ENOX2: variants seen among roughly 807,000 people sequenced by gnomAD.
ENOX2 encodes the protein ecto-NOX disulfide-thiol exchanger 2, also known as APK1 antigen.
In ENOX2, 36 loss-of-function variants were observed where a neutral mutation model predicts 45.0. The ratio of observed to expected loss-of-function variants is 0.80; its 90% CI spans 0.61 to 1.06. The LOEUF (loss-of-function observed/expected upper bound fraction) is 1.06, where lower values mean the gene tolerates loss of function less well. Among genes scored for constraint, ENOX2 ranks in the 50% least tolerant of loss-of-function variants. ENOX2 has a pLI of 0.00. For synonymous variants in ENOX2, 174 were observed against 152.3 expected, an observed-to-expected ratio of 1.14 and a Z score of -1.05; for missense variants, 423 against 462.5, an observed-to-expected ratio of 0.91 and a Z score of 0.78.
intron 2 of ENOX2, among the ~76,000 whole-genome samples, chrX:130,825,390 TGAAGGGA>T (rs1458951259): frequency 9.0e-6 from 1 of 111,164 alleles, no homozygotes; most frequent in Non-Finnish European, 1.9e-5. Flanking sequence ...CCTCTGGGTA[TGAAGGGA>T]GGGAAATTTC....
chrX:130,861,502 G>C (rs2078408620), intron 2 of ENOX2, among the ~76,000 whole-genome samples: 1 of 111,766 alleles, frequency 8.9e-6, no homozygotes, highest in African/African-American at 3.3e-5. Context: ...GTCAAGCTAA[G>C]TGACATAATG....
chrX:130,900,109 G>A (rs144627653), intron 2 of ENOX2, among the ~76,000 whole-genome samples: 3 of 111,645 alleles, frequency 2.7e-5, no homozygotes, highest in Non-Finnish European at 5.6e-5. Flanking sequence ...AAATCTGATC[G>A]TGGTGCTCTT....
chrX:130,897,410 G>T (rs779972659), intron 2 of ENOX2, among the ~76,000 whole-genome samples: 4 of 112,030 alleles, frequency 3.6e-5, no homozygotes, highest in Non-Finnish European at 7.5e-5. Flanking sequence ...GGGATTGCTG[G>T]AAAATAAAGA....
At chrX:130,863,275 C>T (rs1018853965) in intron 2 of ENOX2, among the ~76,000 whole-genome samples, 6 of 112,269 alleles carry the variant, frequency 5.3e-5, no homozygotes, top group Admixed American at 2.8e-4. Context: ...CAAACTCTTC[C>T]TTTTTCACTT....
At chrX:130,691,014 T>G (rs559912789) in intron 4 of ENOX2, among the ~76,000 whole-genome samples, 1 of 110,816 alleles carries the variant, frequency 9.0e-6, no homozygotes, top group Non-Finnish European at 1.9e-5. Context: ...TCAACTTGCA[T>G]GTACACACAC....
intron 5 of ENOX2, among the ~76,000 whole-genome samples, chrX:130,679,990 T>C (rs2037259033): frequency 8.9e-6 from 1 of 111,914 alleles, no homozygotes; most frequent in Non-Finnish European, 1.9e-5. Flanking sequence ...TATTTGTCTG[T>C]CCCATCCAGA....
chrX:130,769,514 C>G lies in ENOX2; in HGVS notation c.-39+14033G>C, dbSNP rs961156754. ...AGAGTAAATTCAGTTTTATTACTTT[C>G]ATGTAAACTCAGTAATTCTAACTAA... On this transcript the variant is annotated intron_variant, in intron 3 of 14. Coordinates refer to ENST00000394363, the MANE Select transcript of ENOX2 (RefSeq NM_006375.4). 4.5e-5 allele frequency among the ~76,000 whole-genome samples: 5 copies of G among 111,991 alleles called. No individual in the cohort carries two copies. The East Asian group carries it at 1.4e-3, about 31-fold the overall frequency.
chrX:130,760,651 T>C (rs2039462926), intron 3 of ENOX2, among the ~76,000 whole-genome samples: 1 of 106,595 alleles, frequency 9.4e-6, no homozygotes, highest in Non-Finnish European at 1.9e-5. Context: ...CCAGGCGTGG[T>C]GGTGGGTGCC....
chrX:130,848,821 CAAAAA>C (rs202197123), intron 2 of ENOX2, among the ~76,000 whole-genome samples: 49 of 108,082 alleles, frequency 4.5e-4, no homozygotes, highest in African/African-American at 1.5e-3. Context: ...ACAAAACAAA[CAAAAA>C]AAAACCAAAA....
At chrX:130,901,752 A>T (rs765285406) in intron 1 of ENOX2, 21 bp from the exon 2 acceptor site, 1 of 112,455 alleles carries the variant, frequency 8.9e-6, no homozygotes, top group African/African-American at 3.2e-5. Flanking sequence ...AAGAAAAATC[A>T]TCCAATCTTA....
intron 3 of ENOX2, among the ~76,000 whole-genome samples, chrX:130,723,629 G>C (rs751122708): frequency 8.9e-6 from 1 of 111,981 alleles, no homozygotes; most frequent in South Asian, 3.7e-4. Context: ...CTTTAAGTCA[G>C]GGTTTGTAGC....
At chrX:130,862,973 C>T (rs1043186311) in intron 2 of ENOX2, among the ~76,000 whole-genome samples, 28 of 111,422 alleles carry the variant, frequency 2.5e-4, no homozygotes, top group Non-Finnish European at 7.5e-5. Context: ...CCTGGTAGGA[C>T]ACAAAAGACT....
At chrX:130,801,439 G>A (rs1451468449) in intron 2 of ENOX2, among the ~76,000 whole-genome samples, 1 of 111,423 alleles carries the variant, frequency 9.0e-6, no homozygotes, top group African/African-American at 3.3e-5. Context: ...AGTTGTGTTC[G>A]GATAAATGTT....
intron 14 of ENOX2, among the ~76,000 whole-genome samples, chrX:130,625,976 C>T (rs1257360991): frequency 9.1e-6 from 1 of 110,469 alleles, no homozygotes; most frequent in Non-Finnish European, 1.9e-5. Flanking sequence ...AAAAACAAAT[C>T]TGTGGACTCC....
chrX:130,703,401 A>T, intron 3 of ENOX2, 147 bp from the exon 4 acceptor site: 1 of 472,871 alleles, frequency 2.1e-6, no homozygotes, highest in Non-Finnish European at 3.4e-6. Flanking sequence ...CAGCTTTCTT[A>T]TAAGGGTTAA....
chrX:130,820,745 G>A (rs1002948173), intron 2 of ENOX2, among the ~76,000 whole-genome samples: 17 of 112,197 alleles, frequency 1.5e-4, no homozygotes, highest in African/African-American at 5.5e-4. Context: ...ACTTATATGT[G>A]GAATCTACAA....
intron 2 of ENOX2, among the ~76,000 whole-genome samples, chrX:130,809,500 C>T (rs1443500248): frequency 9.0e-6 from 1 of 111,612 alleles, no homozygotes; most frequent in African/African-American, 3.3e-5. Flanking sequence ...AAGCATATGT[C>T]CAAGATCGAT....
intron 10 of ENOX2, among the ~76,000 whole-genome samples, chrX:130,639,071 A>G (rs1250902853): frequency 2.7e-5 from 3 of 111,534 alleles, no homozygotes; most frequent in African/African-American, 9.8e-5. Context: ...TTTTAGCTCC[A>G]GGAGATATAC....
intron 2 of ENOX2, among the ~76,000 whole-genome samples, chrX:130,875,041 C>T (rs1382035960): frequency 9.0e-6 from 1 of 111,603 alleles, no homozygotes; most frequent in Admixed American, 9.5e-5. Flanking sequence ...TTTTGGTTGT[C>T]TTATATTACA....
Sources: allele counts gnomAD v4.1 joint callset (sites outside exome capture counted in the v4.1 genomes callset), GRCh38; gene constraint gnomAD v4.1.1; transcripts MANE v1.5; gene names NCBI Gene and HGNC (gene_info 2026-07-23, HGNC 2026-07-21).